The following ARHGEF3 variants were observed in gnomAD, a reference collection of about 807,000 sequenced individuals.
The protein encoded by ARHGEF3 is 59.8 kDA protein.
Under a neutral mutation model 63.2 loss-of-function variants are expected in ARHGEF3, and 28 were observed. The observed-to-expected ratio is 0.44, with a 90% confidence interval of 0.33 to 0.61. ARHGEF3 has a LOEUF of 0.61. ARHGEF3 is among the 20% of genes least tolerant of loss of function. The probability of loss-of-function intolerance (pLI) is 0.03; values close to 1 mark genes in which losing one functional copy is unlikely to be tolerated. For synonymous variants in ARHGEF3, 266 were observed against 254.2 expected (o/e 1.05, Z -0.44); for missense variants, 533 against 659.3 (o/e 0.81, Z 2.10).
intron 3 of ARHGEF3, among the ~76,000 whole-genome samples, chr3:56,899,706 C>T (rs574726258): frequency 1.3e-5 from 2 of 152,316 alleles, no homozygotes; most frequent in African/African-American, 4.8e-5. Flanking sequence ...TGGAAGCTCC[C>T]TCTCTTAATT....
chr3:56,731,285 C>T (rs1212706182), intron 9 of ARHGEF3, among the ~76,000 whole-genome samples: 2 of 152,106 alleles, frequency 1.3e-5, no homozygotes, highest in African/African-American at 4.8e-5. Flanking sequence ...AATCCCAGCA[C>T]TTTGGGAGGC....
intron 1 of ARHGEF3, among the ~76,000 whole-genome samples, chr3:56,774,760 G>A (rs1000883709): frequency 4.6e-5 from 7 of 152,044 alleles, no homozygotes; most frequent in Non-Finnish European, 1.0e-4. Flanking sequence ...TTAGCTGGGC[G>A]TGGTGGCAGG....
chr3:56,767,821 A>G (rs2035793057), intron 2 of ARHGEF3, among the ~76,000 whole-genome samples: 1 of 151,574 alleles, frequency 6.6e-6, no homozygotes, highest in African/African-American at 2.4e-5. Flanking sequence ...ATCTCAGCTC[A>G]CTGCAACCTC....
At chr3:56,805,792 T>G (rs1450754203), upstream of ARHGEF3, among the ~76,000 whole-genome samples, 1 of 152,184 alleles carries the variant, frequency 6.6e-6, no homozygotes, top group Non-Finnish European at 1.5e-5. Context: ...ACTAATGGCC[T>G]GTAACAATTT....
chr3:57,007,488 G>A (rs944369786), intron 2 of ARHGEF3, among the ~76,000 whole-genome samples: 3 of 152,194 alleles, frequency 2.0e-5, no homozygotes, highest in African/African-American at 7.2e-5. Flanking sequence ...GTTTTCTGCA[G>A]AACCTCCTAT....
intron 3 of ARHGEF3, among the ~76,000 whole-genome samples, chr3:56,927,540 A>G (rs1348688414): frequency 6.6e-6 from 1 of 152,192 alleles, no homozygotes; most frequent in African/African-American, 2.4e-5. Flanking sequence ...TTTTATTATG[A>G]TCTGCTTTAA....
intron 2 of ARHGEF3, among the ~76,000 whole-genome samples, chr3:56,967,775 ATAT>A (rs1247287506): frequency 1.2e-5 from 1 of 85,660 alleles, no homozygotes; most frequent in Non-Finnish European, 2.0e-5. Flanking sequence ...ATAATATATT[ATAT>A]TATATGATTA....
intron 1 of ARHGEF3, 119 bp downstream of exon 1, chr3:56,801,584 C>A (rs2037650729): frequency 7.5e-7 from 1 of 1,324,902 alleles, no homozygotes. Context: ...GTGGCACACA[C>A]GGAGAGTGAG....
At chr3:56,882,301 G>A (rs895078066) in exon 4 of ARHGEF3, 13 of 1,551,646 alleles carry the variant, frequency 8.4e-6, no homozygotes, top group Admixed American at 7.8e-5. Flanking sequence ...CACTTATGTC[G>A]AGACTGCAAA....
At chr3:56,970,926 C>A (rs1404946769) in intron 2 of ARHGEF3, among the ~76,000 whole-genome samples, 5 of 152,182 alleles carry the variant, frequency 3.3e-5, no homozygotes, top group African/African-American at 1.2e-4. Flanking sequence ...AAGGTACTAA[C>A]AAGACCCCCC....
chr3:56,768,862 G>T (rs1006782344), intron 2 of ARHGEF3, among the ~76,000 whole-genome samples: 2 of 152,194 alleles, frequency 1.3e-5, no homozygotes, highest in East Asian at 3.9e-4. Context: ...AGATGCAAGA[G>T]AAACTGATCA....
intron 4 of ARHGEF3, among the ~76,000 whole-genome samples, chr3:56,866,190 C>T (rs902022440): frequency 6.6e-6 from 1 of 151,986 alleles, no homozygotes; most frequent in Non-Finnish European, 1.5e-5. Flanking sequence ...ACAAAACAAA[C>T]CCCACCTTTC....
intron 4 of ARHGEF3, among the ~76,000 whole-genome samples, chr3:56,820,152 ACCTAC>A (rs2038425604): frequency 6.6e-6 from 1 of 152,048 alleles, no homozygotes; most frequent in Non-Finnish European, 1.5e-5. Flanking sequence ...ACTTTTATTG[ACCTAC>A]CAGTTTAATG....
At chr3:57,047,444 C>T (rs577180308) in intron 1 of ARHGEF3, among the ~76,000 whole-genome samples, 18 of 152,230 alleles carry the variant, frequency 1.2e-4, no homozygotes, top group African/African-American at 3.4e-4. Context: ...TAAATTCATT[C>T]GACCTCTGCT....
chr3:56,970,987 T>C (rs1461064220), intron 2 of ARHGEF3, among the ~76,000 whole-genome samples: 2 of 152,172 alleles, frequency 1.3e-5, no homozygotes, highest in Non-Finnish European at 1.5e-5. Flanking sequence ...GTAAAGCTCT[T>C]AGTGACTGGA....
chr3:56,879,546 G>A (rs954497301), intron 4 of ARHGEF3, among the ~76,000 whole-genome samples: 11 of 152,010 alleles, frequency 7.2e-5, no homozygotes, highest in Non-Finnish European at 5.9e-5. Context: ...CACATCTGGC[G>A]AATGTCTTAC....
intron 2 of ARHGEF3, among the ~76,000 whole-genome samples, chr3:57,013,225 C>A (rs375351855): frequency 6.6e-6 from 1 of 152,314 alleles, no homozygotes; most frequent in East Asian, 1.9e-4. Context: ...CCCATCCCAT[C>A]GACGGCCCAA....
At chr3:56,788,310 C>A (rs2036923112) in intron 1 of ARHGEF3, among the ~76,000 whole-genome samples, 2 of 152,204 alleles carry the variant, frequency 1.3e-5, no homozygotes, top group Non-Finnish European at 2.9e-5. Context: ...TGCTTCTCCC[C>A]CTCCTCGTGG....
intron 2 of ARHGEF3, among the ~76,000 whole-genome samples, chr3:57,019,698 C>G (rs563092625): frequency 1.8e-4 from 28 of 152,210 alleles, no homozygotes; most frequent in Non-Finnish European, 3.1e-4. Flanking sequence ...ATGTAACATC[C>G]CATCCAAGAC....
Sources: gnomAD v4.1 joint callset for allele counts (sites outside exome capture counted in the v4.1 genomes callset) on GRCh38, gnomAD v4.1.1 for gene constraint, MANE v1.5 for transcripts, NCBI Gene and HGNC (gene_info 2026-07-23, HGNC 2026-07-21) for gene names.